CRLS1: variants seen among roughly 807,000 people sequenced by gnomAD.
The protein encoded by CRLS1 is cardiolipin synthase (CMP-forming).
Under a neutral mutation model 37.0 loss-of-function variants are expected in CRLS1, and 24 were observed. The observed-to-expected ratio is 0.65, with a 90% CI of 0.47 to 0.91. The LOEUF (loss-of-function observed/expected upper bound fraction) is 0.91. Among genes scored for constraint, CRLS1 ranks in the 40% least tolerant of loss-of-function variants. The probability of loss-of-function intolerance (pLI) is 0.00; values close to 1 mark genes in which losing one functional copy is unlikely to be tolerated. For synonymous variants in CRLS1, 135 were observed against 159.7 expected, an observed-to-expected ratio of 0.85 and a Z score of 1.17; for missense variants, 373 against 395.8, an observed-to-expected ratio of 0.94 and a Z score of 0.49.
At chr20:6,024,863 C>G (rs1200731079) in intron 3 of CRLS1, among the ~76,000 whole-genome samples, 2 of 152,164 alleles carry the variant, frequency 1.3e-5, no homozygotes, top group African/African-American at 4.8e-5. Context: ...GTCCTTAAGC[C>G]AAAGCCTAAT....
At chr20:6,006,019 C>T (rs923150171), upstream of CRLS1, 8 of 345,920 alleles carry the variant, frequency 2.3e-5, no homozygotes, top group African/African-American at 1.3e-4. Flanking sequence ...CCAGGGGCGC[C>T]GGGAAGCCCG....
At chr20:6,034,330 G>T in intron 5 of CRLS1, 134 bp from the exon 6 acceptor site, 1 of 625,046 alleles carries the variant, frequency 1.6e-6, no homozygotes, top group Non-Finnish European at 2.8e-6. Context: ...ATTGGGCAGG[G>T]ATAGTGTAGA....
chr20:6,030,647 AG>A (rs1434391474), intron 3 of CRLS1, among the ~76,000 whole-genome samples: 1 of 151,914 alleles, frequency 6.6e-6, no homozygotes, highest in Non-Finnish European at 1.5e-5. Flanking sequence ...TGAGCCCAGG[AG>A]GTCAAGGCTG....
chr20:6,033,690 T>C (rs1196107875), intron 5 of CRLS1, among the ~76,000 whole-genome samples: 1 of 152,200 alleles, frequency 6.6e-6, no homozygotes, highest in Non-Finnish European at 1.5e-5. Context: ...ATGAGTGCTT[T>C]TTCTTTGAAA....
At chr20:6,012,923 G>A (rs545829437) in intron 2 of CRLS1, among the ~76,000 whole-genome samples, 2 of 152,262 alleles carry the variant, frequency 1.3e-5, no homozygotes, top group South Asian at 2.1e-4. Context: ...CAGTTGTGTC[G>A]AGGTCAGGTA....
chr20:6,029,243 G>A (rs1220297424), intron 3 of CRLS1, among the ~76,000 whole-genome samples: 1 of 151,972 alleles, frequency 6.6e-6, no homozygotes, highest in East Asian at 1.9e-4. Context: ...GGAACCTAAT[G>A]CGCTGACCCA....
chr20:6,019,076 C>G (rs1250453698), intron 3 of CRLS1, among the ~76,000 whole-genome samples: 1 of 151,564 alleles, frequency 6.6e-6, no homozygotes, highest in Admixed American at 6.6e-5. Flanking sequence ...TTTTTTCTTC[C>G]ATTCTTGGAA....
In CRLS1 at chr20:6,031,318, T is replaced by G. The variant is rs781275570; in HGVS notation, c.608T>G (p.Val203Gly). The G allele has an allele frequency of 1.2e-6, 2 of 1,609,642 alleles. No homozygotes were observed. Among genetic ancestry groups the G allele is most frequent in the Non-Finnish European group, 1.7e-6 (2 of 1,178,070 alleles). Reference sequence around the variant, plus strand: ...ACTTACATGATCATTTCGAGAGATGTAATGTTGATTGCTGCTGTTTTTTAT... The same window carrying G: ...ACTTACATGATCATTTCGAGAGATGGAATGTTGATTGCTGCTGTTTTTTAT... ...PLTYMIISRDVMLIAAVFYVR... is the reference protein window; with the variant it reads ...PLTYMIISRDGMLIAAVFYVR... Residue 203 changes from valine (V) to glycine (G), a missense_variant, in exon 4 of 7, where the codon GTA (valine) becomes GGA (glycine). Physicochemically the swap from Val to Gly is moderately radical, Grantham distance 109. Transcript: ENST00000378863.
intron 5 of CRLS1, among the ~76,000 whole-genome samples, chr20:6,033,050 A>G (rs1980293033): frequency 1.3e-5 from 2 of 151,764 alleles, no homozygotes; most frequent in African/African-American, 2.4e-5. Flanking sequence ...CCTTATAGGA[A>G]GCCCTTAGGA....
intron 3 of CRLS1, among the ~76,000 whole-genome samples, chr20:6,022,070 C>T (rs1317399837): frequency 6.6e-6 from 1 of 152,104 alleles, no homozygotes; most frequent in Non-Finnish European, 1.5e-5. Flanking sequence ...TTTTGCTAGT[C>T]TGTCTTGTTT....
At chr20:6,032,699 A>G (rs916088342) in intron 5 of CRLS1, among the ~76,000 whole-genome samples, 2 of 152,224 alleles carry the variant, frequency 1.3e-5, no homozygotes, top group Non-Finnish European at 2.9e-5. Context: ...TTTCCCGAGC[A>G]TTCAGGGCAA....
intron 6 of CRLS1, 102 bp from the exon 7 acceptor site, chr20:6,036,972 C>G (rs1600395986): frequency 1.2e-6 from 1 of 811,974 alleles, no homozygotes; most frequent in Non-Finnish European, 2.0e-6. Context: ...TTTTTAAATT[C>G]ATTTTTACAT....
rs779010012 is a variant in CRLS1, at chr20:6,012,268, A to C, written c.444+2356A>C. ...CAAAGTCTGATTGCGTTGTGTGTGG[A>C]AAATGGATTATAGACAGCTAAGAGT... On this transcript the variant is annotated intron_variant, in intron 2 of 6. Transcript: ENST00000378863. Among the ~76,000 whole-genome samples, 47 of 152,132 alleles carry C rather than the reference A, an allele frequency of 3.1e-4. 1 individual carries two copies. The highest frequency in any genetic ancestry group is 6.5e-4 in the Admixed American group (10 of 15,278).
chr20:6,008,434 G>C (rs2090089032), intron 1 of CRLS1, among the ~76,000 whole-genome samples: 1 of 152,208 alleles, frequency 6.6e-6, no homozygotes, highest in African/African-American at 2.4e-5. Flanking sequence ...TCATGAGTCA[G>C]ATTCTGTTTG....
In CRLS1 at chr20:6,038,559, A is replaced by G; in HGVS notation, c.*1401A>G. 6.6e-6 allele frequency: 1 copy of G among 152,386 alleles called. No homozygotes were observed. 9.4% of individuals were successfully genotyped at this position (152,386 alleles called of 1,614,324 possible). ...CCGCCATTGAATCAGATGGAGGGGG[A>G]TGAAAAAGCAGAGAAGGGGGCATGT... On this transcript the variant is annotated 3_prime_UTR_variant, in exon 7 of 7. Transcript: ENST00000378863.
chr20:6,007,347 G>A (rs1361307328), intron 1 of CRLS1: 1 of 1,611,384 alleles, frequency 6.2e-7, no homozygotes, highest in Non-Finnish European at 8.5e-7. Flanking sequence ...TGGATACTTT[G>A]AAGTTGCCAT....
intron 2 of CRLS1, among the ~76,000 whole-genome samples, chr20:6,014,655 G>C (rs1185221365): frequency 6.6e-6 from 1 of 152,106 alleles, no homozygotes; most frequent in South Asian, 2.1e-4. Context: ...GTTTTTATGG[G>C]AAGAATTGAA....
chr20:6,012,451 A>G (rs1978397647), intron 2 of CRLS1, among the ~76,000 whole-genome samples: 1 of 152,126 alleles, frequency 6.6e-6, no homozygotes, highest in African/African-American at 2.4e-5. Context: ...TTTGAGATAT[A>G]TTTTAAAGAC....
chr20:6,009,642 A>G (rs2090105912), intron 1 of CRLS1, 133 bp from the exon 2 acceptor site: 1 of 644,802 alleles, frequency 1.6e-6, no homozygotes, highest in East Asian at 3.0e-5. Context: ...AATTCAATTT[A>G]ATGTACTAAA....
Sources: gnomAD v4.1 joint callset for allele counts (sites outside exome capture counted in the v4.1 genomes callset) on GRCh38, gnomAD v4.1.1 for gene constraint, MANE v1.5 for transcripts, NCBI Gene and HGNC (gene_info 2026-07-23, HGNC 2026-07-21) for gene names.